The following NUP62CL variants were observed in gnomAD, a reference collection of about 807,000 sequenced individuals.
NUP62CL encodes nucleoporin-62 C-terminal-like protein.
A neutral mutation model predicts 15.3 loss-of-function variants in NUP62CL; 13 were observed. The observed-to-expected ratio is 0.85, with a 90% confidence interval of 0.55 to 1.35. NUP62CL has a LOEUF of 1.35. NUP62CL is among the 40% of genes most tolerant of loss of function. NUP62CL has a pLI of 0.00. For synonymous variants in NUP62CL, 54 were observed against 49.2 expected (o/e 1.10, Z -0.41); for missense variants, 123 against 130.6 (o/e 0.94, Z 0.28).
At chrX:107,151,056 T>G (rs1328030354) in intron 7 of NUP62CL, 1 of 297,833 alleles carries the variant, frequency 3.4e-6, no homozygotes, top group Non-Finnish European at 6.7e-6. Flanking sequence ...CACTACCAAT[T>G]GGATTTGCCC....
chrX:107,163,773 C>G (rs1421988119), intron 4 of NUP62CL, among the ~76,000 whole-genome samples: 1 of 111,504 alleles, frequency 9.0e-6, no homozygotes, highest in Non-Finnish European at 1.9e-5. Flanking sequence ...AGAGACATTA[C>G]AGAGTGATAA....
intron 2 of NUP62CL, among the ~76,000 whole-genome samples, chrX:107,187,638 T>A (rs1344703761): frequency 8.9e-6 from 1 of 112,628 alleles, no homozygotes; most frequent in African/African-American, 3.2e-5. Context: ...CCTCAGGTGA[T>A]CCGCCCGCCT....
Position 107,182,173 on chromosome X carries a change from A to G in NUP62CL, c.-47-6980T>C, listed in dbSNP as rs1377725420. On this transcript the variant is annotated intron_variant, in intron 2 of 8. Transcript: ENST00000372466. ...TTAGAAAAGGATTTAAGAGACAAAA[A>G]CCTTAGCTTCCTAATTAAAGGACAA... Among the ~76,000 whole-genome samples, 3 of 112,302 alleles carry G rather than the reference A, an allele frequency of 2.7e-5. No homozygotes were observed. The East Asian group carries it at 8.4e-4, about 31-fold the overall frequency.
At chrX:107,158,103 A>T (rs1264576706) in intron 4 of NUP62CL, among the ~76,000 whole-genome samples, 2 of 55,515 alleles carry the variant, frequency 3.6e-5, no homozygotes, top group African/African-American at 1.6e-4. Context: ...TATGCAGCCA[A>T]TACAGGAGCA....
intron 4 of NUP62CL, among the ~76,000 whole-genome samples, chrX:107,157,886 C>G (rs1452841045): frequency 9.1e-6 from 1 of 110,303 alleles, no homozygotes; most frequent in Non-Finnish European, 1.9e-5. Flanking sequence ...GGAGACCCAT[C>G]TCATGTGCAG....
At chrX:107,129,070 C>T (rs1569352942) in intron 8 of NUP62CL, among the ~76,000 whole-genome samples, 1 of 111,392 alleles carries the variant, frequency 9.0e-6, no homozygotes. Flanking sequence ...TATTTCAAAA[C>T]ATTTGTCAAA....
At chrX:107,198,753 G>A (rs1183015183) in intron 1 of NUP62CL, among the ~76,000 whole-genome samples, 5 of 111,582 alleles carry the variant, frequency 4.5e-5, no homozygotes, top group African/African-American at 1.6e-4. Context: ...GCAAGACCAC[G>A]AACCCACCAG....
chrX:107,184,998 A>T (rs1244431011), intron 2 of NUP62CL, among the ~76,000 whole-genome samples: 1 of 110,941 alleles, frequency 9.0e-6, no homozygotes, highest in African/African-American at 3.3e-5. Context: ...TATCCTCCAG[A>T]AAAAAGAGAG....
chrX:107,170,770 TA>T (rs1926632886), intron 3 of NUP62CL, among the ~76,000 whole-genome samples: 1 of 112,249 alleles, frequency 8.9e-6, no homozygotes, highest in East Asian at 2.8e-4. Context: ...TTTAAAGGCA[TA>T]AATTAACTCT....
At chrX:107,176,445 T>C (rs1157959174) in intron 2 of NUP62CL, among the ~76,000 whole-genome samples, 2 of 111,225 alleles carry the variant, frequency 1.8e-5, no homozygotes, top group Non-Finnish European at 3.8e-5. Context: ...TATTGTGAAA[T>C]TCTATTTATA....
intron 1 of NUP62CL, among the ~76,000 whole-genome samples, chrX:107,202,333 G>T (rs2147819974): frequency 9.0e-6 from 1 of 111,667 alleles, no homozygotes; most frequent in African/African-American, 3.2e-5. Context: ...CTTTGAAAAT[G>T]GAGATGTGCT....
In NUP62CL at chrX:107,167,663, A is replaced by G; in HGVS notation, c.180T>C (p.Tyr60=). ...LSRGFENLVP[Y]TSTVSVVATP... is the part of the protein sequence containing the mutation. ...AATAGGCTTACCTAACAGTTGAAGT[A>G]TAAGGTACAAGGTTTTCAAACCCTC... Residue 60 remains tyrosine (Y), a synonymous_variant, in exon 4 of 9, where the codon TAT becomes TAC. Transcript: ENST00000372466. 8.4e-7 allele frequency: 1 copy of G among 1,195,907 alleles called. No homozygotes were observed. The highest frequency in any genetic ancestry group is 2.3e-4 in the Middle Eastern group (1 of 4,292).
At chrX:107,130,579 G>A (rs919152954) in intron 8 of NUP62CL, among the ~76,000 whole-genome samples, 2 of 111,486 alleles carry the variant, frequency 1.8e-5, no homozygotes, top group African/African-American at 3.3e-5. Context: ...AACCAACAAA[G>A]AGTAGAGTCA....
At chrX:107,172,874 T>C (rs1926684112) in intron 3 of NUP62CL, among the ~76,000 whole-genome samples, 1 of 111,501 alleles carries the variant, frequency 9.0e-6, no homozygotes, top group African/African-American at 3.3e-5. Flanking sequence ...TACATAAACA[T>C]ATTGGTGTAC....
intron 4 of NUP62CL, among the ~76,000 whole-genome samples, chrX:107,163,304 G>GT (rs1926433313): frequency 9.0e-6 from 1 of 111,420 alleles, no homozygotes; most frequent in Non-Finnish European, 1.9e-5. Context: ...CTACACTGTT[G>GT]TAAGTAATGC....
intron 1 of NUP62CL, among the ~76,000 whole-genome samples, chrX:107,195,681 T>C (rs1330095947): frequency 8.9e-6 from 1 of 111,870 alleles, no homozygotes; most frequent in African/African-American, 3.2e-5. Flanking sequence ...TCAAGTCTTA[T>C]ACACATCTTA....
chrX:107,136,846 C>T (rs751488406), intron 8 of NUP62CL, among the ~76,000 whole-genome samples: 1 of 111,852 alleles, frequency 8.9e-6, no homozygotes, highest in South Asian at 3.8e-4. Context: ...GTGGGTGGAT[C>T]ACCAGATGTC....
At chrX:107,196,519 G>A (rs1244094929) in intron 1 of NUP62CL, among the ~76,000 whole-genome samples, 4 of 112,172 alleles carry the variant, frequency 3.6e-5, no homozygotes. Flanking sequence ...GCAACCTCCT[G>A]CAACCTCCGC....
chrX:107,169,837 T>C (rs768045558), intron 3 of NUP62CL, among the ~76,000 whole-genome samples: 9 of 111,277 alleles, frequency 8.1e-5, no homozygotes, highest in Non-Finnish European at 1.7e-4. Context: ...TGAGCCCTTC[T>C]TGTAAAGGAG....
Sources: allele counts gnomAD v4.1 joint callset (sites outside exome capture counted in the v4.1 genomes callset), GRCh38; gene constraint gnomAD v4.1.1; transcripts MANE v1.5; gene names NCBI Gene and HGNC (gene_info 2026-07-23, HGNC 2026-07-21).